The following PLEKHA7 variants were observed in gnomAD, a reference collection of about 807,000 sequenced individuals.
The protein encoded by PLEKHA7 is pleckstrin homology domain-containing family A member 7.
Under a neutral mutation model 170.0 loss-of-function variants are expected in PLEKHA7, and 104 were observed. That is an observed-to-expected ratio of 0.61 (90% CI 0.52 to 0.72). PLEKHA7 has a LOEUF of 0.72. PLEKHA7 is among the 30% of genes least tolerant of loss of function. The pLI, the probability that PLEKHA7 is intolerant of heterozygous loss-of-function variation, is 0.00. For synonymous variants in PLEKHA7, 648 were observed against 660.8 expected (o/e 0.98, Z 0.30); for missense variants, 1,615 against 1,671.7 (o/e 0.97, Z 0.59).
At chr11:16,954,656 T>G (rs1861597481) in intron 3 of PLEKHA7, among the ~76,000 whole-genome samples, 1 of 151,862 alleles carries the variant, frequency 6.6e-6, no homozygotes, top group Non-Finnish European at 1.5e-5. Flanking sequence ...ACAAGAAAGT[T>G]AAATATTAAC....
chr11:16,847,084 T>C (rs1194180973), intron 8 of PLEKHA7, among the ~76,000 whole-genome samples: 1 of 120,914 alleles, frequency 8.3e-6, no homozygotes, highest in Non-Finnish European at 1.8e-5. Flanking sequence ...TGAAGTTTTT[T>C]TTTTTCTTTT....
At chr11:16,813,338 G>A (rs1849514001) in intron 12 of PLEKHA7, 172 bp from the exon 13 acceptor site, 2 of 510,060 alleles carry the variant, frequency 3.9e-6, no homozygotes, top group Non-Finnish European at 7.2e-6. Context: ...GCAGCTGAGA[G>A]CCGTCTTTCA....
intron 3 of PLEKHA7, among the ~76,000 whole-genome samples, chr11:17,012,314 C>T (rs1428350076): frequency 1.3e-5 from 2 of 152,212 alleles, no homozygotes; most frequent in Non-Finnish European, 2.9e-5. Context: ...TCTCCTCATG[C>T]CACTTTCTCC....
chr11:16,841,192 C>T lies in PLEKHA7; in HGVS notation c.872+355G>A, dbSNP rs1360226359. The stretch of plus-strand genomic sequence containing the variant: ...TTCAGAGAGGGAGCAACCGGAAGAT[C>T]ACTCCCAGGTCAGCTCCCAGCAACA... On this transcript the variant is annotated intron_variant, in intron 9 of 26. Transcript: ENST00000531066. Among the ~76,000 whole-genome samples the T allele has an allele frequency of 2.6e-5, 4 of 152,178 alleles. 1 individual carries two copies. The highest frequency in any genetic ancestry group is 9.7e-5 in the African/African-American group (4 of 41,430).
chr11:16,872,339 T>A (rs935890915), intron 3 of PLEKHA7, among the ~76,000 whole-genome samples: 1 of 152,140 alleles, frequency 6.6e-6, no homozygotes, highest in Non-Finnish European at 1.5e-5. Context: ...TACCCGGGTA[T>A]GTTCCCCTTC....
chr11:16,802,962 T>C lies in PLEKHA7; in HGVS notation c.2157+10A>G, dbSNP rs553417635. Reference sequence around the variant, plus strand: ...TGCCCATTCCAAGATTATTCAAAACTGACACGTACTTTGTTCTCTTTAAGG... The same window carrying C: ...TGCCCATTCCAAGATTATTCAAAACCGACACGTACTTTGTTCTCTTTAAGG... On this transcript the variant is annotated intron_variant, in intron 15 of 26. Transcript: ENST00000531066. 101 of 1,607,362 alleles carry C rather than the reference T, an allele frequency of 6.3e-5. No individual in the cohort carries two copies. The highest frequency in any genetic ancestry group is 8.1e-5 in the Non-Finnish European group (95 of 1,173,854).
At chr11:16,947,383 G>A (rs1296592559) in intron 3 of PLEKHA7, among the ~76,000 whole-genome samples, 4 of 152,060 alleles carry the variant, frequency 2.6e-5, no homozygotes, top group African/African-American at 4.8e-5. Context: ...CTGAGGTCAG[G>A]AGTTCGAGAC....
chr11:16,928,619 A>AT (rs766945055), intron 3 of PLEKHA7, among the ~76,000 whole-genome samples: 3 of 151,074 alleles, frequency 2.0e-5, no homozygotes, highest in Non-Finnish European at 1.5e-5. Context: ...TGCCCAGCTA[A>AT]TTTTTTTTTA....
At chr11:16,883,301 A>G (rs1855847822) in intron 3 of PLEKHA7, among the ~76,000 whole-genome samples, 1 of 152,194 alleles carries the variant, frequency 6.6e-6, no homozygotes, top group African/African-American at 2.4e-5. Flanking sequence ...AGTTATATAG[A>G]AATAATCCTT....
At chr11:16,859,240 C>T (rs1318633387) in intron 4 of PLEKHA7, among the ~76,000 whole-genome samples, 3 of 152,212 alleles carry the variant, frequency 2.0e-5, no homozygotes, top group African/African-American at 7.2e-5. Flanking sequence ...CAGCTACCCA[C>T]TTGTCCAAGT....
At chr11:16,805,789 C>CAAAAAAAAAAAAAA (rs11339921) in intron 13 of PLEKHA7, among the ~76,000 whole-genome samples, 10 of 111,194 alleles carry the variant, frequency 9.0e-5, no homozygotes, top group African/African-American at 3.3e-4. Context: ...GACTCCATGT[C>CAAAAAAAAAAAAAA]AAAAAAAAAA....
In PLEKHA7 at chr11:16,813,139, T is replaced by C; in HGVS notation, c.1981A>G (p.Lys661Glu). The stretch of plus-strand genomic sequence containing the variant: ...TTTAGATCCAGGTACTCCAGGTCTT[T>C]CTTCAGCTGGAGGTAGGTATCATCA... ...SADDTYLQLK[K>E]DLEYLDLKMT... Residue 661 changes from lysine to glutamate, a missense_variant, in exon 13 of 27, where the codon AAA becomes GAA. Physicochemically the swap from Lys to Glu is moderately conservative, Grantham distance 56. Transcript: ENST00000531066. 1.9e-6 allele frequency: 3 copies of C among 1,613,734 alleles called. No individual in the cohort carries two copies. The highest frequency in any genetic ancestry group is 2.5e-6 in the Non-Finnish European group (3 of 1,179,660).
intron 9 of PLEKHA7, among the ~76,000 whole-genome samples, chr11:16,835,087 T>C (rs532331128): frequency 6.6e-6 from 1 of 151,978 alleles, no homozygotes; most frequent in South Asian, 2.1e-4. Flanking sequence ...CTGGGCACCA[T>C]GGTGAAACCT....
At chr11:16,857,337 G>A (rs551918185) in intron 4 of PLEKHA7, among the ~76,000 whole-genome samples, 1 of 152,220 alleles carries the variant, frequency 6.6e-6, no homozygotes, top group African/African-American at 2.4e-5. Flanking sequence ...GGCAGAAAGA[G>A]CACTGGCTCC....
At chr11:16,820,519 CGG>C (rs533571145) in intron 10 of PLEKHA7, among the ~76,000 whole-genome samples, 3 of 151,736 alleles carry the variant, frequency 2.0e-5, no homozygotes, top group Non-Finnish European at 4.4e-5. Context: ...GCCTCTGAGA[CGG>C]GGCAGTGCCT....
chr11:16,973,263 G>A (rs1862837795), intron 3 of PLEKHA7, among the ~76,000 whole-genome samples: 1 of 152,184 alleles, frequency 6.6e-6, no homozygotes, highest in African/African-American at 2.4e-5. Flanking sequence ...CAAGAACACA[G>A]GCCACTAGAA....
At chr11:16,795,534 G>C (rs574916494) in intron 17 of PLEKHA7, among the ~76,000 whole-genome samples, 1 of 152,260 alleles carries the variant, frequency 6.6e-6, no homozygotes, top group South Asian at 2.1e-4. Context: ...GCTCTTGTCT[G>C]TTATCCCCGC....
intron 17 of PLEKHA7, among the ~76,000 whole-genome samples, chr11:16,798,284 C>T (rs1194519191): frequency 6.6e-6 from 1 of 152,184 alleles, no homozygotes; most frequent in Non-Finnish European, 1.5e-5. Context: ...CAAAGCAGGG[C>T]TTTGTTAGCT....
chr11:16,897,684 G>C (rs959930431), intron 3 of PLEKHA7, among the ~76,000 whole-genome samples: 2 of 152,202 alleles, frequency 1.3e-5, no homozygotes, highest in Non-Finnish European at 2.9e-5. Context: ...CTTTCTGAGA[G>C]TTTTCATGAA....
Sources: gnomAD v4.1 joint callset for allele counts (sites outside exome capture counted in the v4.1 genomes callset) on GRCh38, gnomAD v4.1.1 for gene constraint, MANE v1.5 for transcripts, NCBI Gene and HGNC (gene_info 2026-07-23, HGNC 2026-07-21) for gene names.